PHIP: variants seen among roughly 807,000 people sequenced by gnomAD.
PHIP encodes PH-interacting protein.
Under a neutral mutation model 236.8 loss-of-function variants are expected in PHIP, and 54 were observed. The ratio of observed to expected loss-of-function variants is 0.23; its 90% CI spans 0.18 to 0.29. The LOEUF (loss-of-function observed/expected upper bound fraction) is 0.29. PHIP is among the 10% of genes least tolerant of loss of function. The pLI is 1.00. For missense variants in PHIP, 1,370 were observed against 2,190.8 expected (o/e 0.63, Z 7.48); for synonymous variants, 756 against 718.9 (o/e 1.05, Z -0.83).
chr6:79,024,380 G>A (rs555340622), intron 9 of PHIP, among the ~76,000 whole-genome samples: 3 of 152,064 alleles, frequency 2.0e-5, no homozygotes, highest in Non-Finnish European at 4.4e-5. Context: ...TTTCCACCCC[G>A]AGTGGCAGAA....
chr6:79,037,266 C>G (rs1013128051), intron 7 of PHIP, among the ~76,000 whole-genome samples: 1 of 152,136 alleles, frequency 6.6e-6, no homozygotes, highest in African/African-American at 2.4e-5. Context: ...ACAGGCCTTA[C>G]AATCTGCAGG....
chr6:79,059,163 A>G (rs952616304), intron 6 of PHIP, among the ~76,000 whole-genome samples: 2 of 152,112 alleles, frequency 1.3e-5, no homozygotes, highest in African/African-American at 4.8e-5. Context: ...TACATCAGAG[A>G]GTCAAAAACA....
intron 7 of PHIP, among the ~76,000 whole-genome samples, chr6:79,036,016 A>C (rs921870629): frequency 6.6e-6 from 1 of 152,192 alleles, no homozygotes; most frequent in Non-Finnish European, 1.5e-5. Context: ...GATGCCAAGA[A>C]ACATTACGGT....
chr6:79,007,654 C>CTTTTTTTTTTTTTTTTTTTTT (rs35415106), intron 15 of PHIP, among the ~76,000 whole-genome samples: 1 of 116,688 alleles, frequency 8.6e-6, no homozygotes, highest in Non-Finnish European at 1.8e-5. Context: ...ATGTCTTGTT[C>CTTTTTTTTTTTTTTTTTTTTT]TTTTTTTTTT....
At chr6:79,013,003 T>C (rs1007452695) in intron 15 of PHIP, among the ~76,000 whole-genome samples, 6 of 151,772 alleles carry the variant, frequency 4.0e-5, no homozygotes, top group Non-Finnish European at 7.4e-5. Flanking sequence ...TGCAGTAACA[T>C]TGACAAAAGC....
chr6:79,056,724 C>T (rs1461010348), intron 6 of PHIP, among the ~76,000 whole-genome samples: 1 of 152,084 alleles, frequency 6.6e-6, no homozygotes, highest in African/African-American at 2.4e-5. Context: ...GGTTAAAAAA[C>T]CCTGGTTAGA....
At chr6:78,956,911 A>C (rs2127693197) in intron 32 of PHIP, 1 of 152,202 alleles carries the variant, frequency 6.6e-6, no homozygotes, top group East Asian at 1.9e-4. Flanking sequence ...AACTGTATTA[A>C]AAGGATCCAT....
At chr6:78,980,042 G>A (rs1311166640) in intron 23 of PHIP, among the ~76,000 whole-genome samples, 2 of 151,890 alleles carry the variant, frequency 1.3e-5, no homozygotes, top group East Asian at 1.9e-4. Context: ...AGATGGGCTC[G>A]TTACAGAATT....
chr6:79,024,280 ATTATT>A (rs1316132279), intron 9 of PHIP, among the ~76,000 whole-genome samples: 2 of 152,232 alleles, frequency 1.3e-5, no homozygotes, highest in African/African-American at 2.4e-5. Context: ...GCATACATAT[ATTATT>A]TTATTAAATA....
rs1322349414 is a variant in PHIP at position 78,938,798 on chromosome 6, CAGG to C, written c.*1892_*1894del. On this transcript the variant is annotated 3_prime_UTR_variant, in exon 40 of 40. Coordinates refer to ENST00000275034, the MANE Select transcript of PHIP (RefSeq NM_017934.7). ...CTGGAAAATGGTTTACTTAATTTCA[CAGG>C]AGAATTTCTGTACAAATTTAGTTAC... 4.0e-5 allele frequency: 6 copies of C among 151,630 alleles called. No homozygotes were observed. Among genetic ancestry groups the C allele is most frequent in the African/African-American group, 1.4e-4 (6 of 41,392 alleles). 9.4% of individuals were successfully genotyped at this position (151,630 alleles called of 1,614,324 possible). A position where few individuals can be genotyped will look rare whatever the true frequency, so the allele number is the denominator to read the frequency against.
chr6:79,025,341 A>G (rs1488126717), intron 9 of PHIP, among the ~76,000 whole-genome samples, 178 bp downstream of exon 9: 1 of 152,156 alleles, frequency 6.6e-6, no homozygotes, highest in Non-Finnish European at 1.5e-5. Flanking sequence ...TTTCTTTGAA[A>G]CATAAAAAAA....
At chr6:78,980,868 C>G (rs1768480241) in intron 23 of PHIP, among the ~76,000 whole-genome samples, 1 of 151,978 alleles carries the variant, frequency 6.6e-6, no homozygotes, top group Non-Finnish European at 1.5e-5. Context: ...TCAATATGGA[C>G]TATTAATTGC....
chr6:79,076,793 G>T (rs1774182930), intron 4 of PHIP, among the ~76,000 whole-genome samples: 1 of 152,066 alleles, frequency 6.6e-6, no homozygotes, highest in South Asian at 2.1e-4. Flanking sequence ...GGAATTACAG[G>T]CTTTACACTT....
chr6:78,969,711 C>A, intron 27 of PHIP, 124 bp downstream of exon 27: 2 of 522,580 alleles, frequency 3.8e-6, no homozygotes, highest in Non-Finnish European at 6.7e-6. Context: ...TTGCTATTAA[C>A]ATTCCTACAA....
At chr6:79,019,626 C>T (rs1290048575) in intron 9 of PHIP, among the ~76,000 whole-genome samples, 1 of 152,094 alleles carries the variant, frequency 6.6e-6, no homozygotes. Context: ...CTTCTTTGAC[C>T]TACTAATGTG....
intron 39 of PHIP, among the ~76,000 whole-genome samples, chr6:78,942,803 G>C (rs1395123204): frequency 6.6e-6 from 1 of 152,090 alleles, no homozygotes; most frequent in Non-Finnish European, 1.5e-5. Context: ...CCCTTGTAAT[G>C]GTCCCAAATT....
intron 32 of PHIP, chr6:78,956,557 T>C (rs1196991476): frequency 1.3e-5 from 2 of 152,160 alleles, no homozygotes; most frequent in Non-Finnish European, 2.9e-5. Flanking sequence ...GCTTATATTT[T>C]AGATTCATAT....
rs1430048629 is a variant in PHIP at position 78,940,361 on chromosome 6, C to G, written c.*332G>C. 2.0e-5 allele frequency: 3 copies of G among 151,490 alleles called. No homozygotes were observed. The highest frequency in any genetic ancestry group is 7.3e-5 in the African/African-American group (3 of 41,268). 9.4% of individuals were successfully genotyped at this position (151,490 alleles called of 1,614,324 possible). ...CTCCTAAAGAGTGTAGCAGAATTGTCTTTTCTATAAATAAATCAGGAATTC... is the reference window on the plus strand; with the variant it reads ...CTCCTAAAGAGTGTAGCAGAATTGTGTTTTCTATAAATAAATCAGGAATTC... On this transcript the variant is annotated 3_prime_UTR_variant, in exon 40 of 40. Coordinates refer to ENST00000275034, the MANE Select transcript of PHIP (RefSeq NM_017934.7).
chr6:79,049,717 ATAAT>A (rs1364030488), intron 6 of PHIP, among the ~76,000 whole-genome samples: 1 of 152,180 alleles, frequency 6.6e-6, no homozygotes, highest in Non-Finnish European at 1.5e-5. Context: ...ATTTTAGATG[ATAAT>A]TAGATTTTCC....
Sources: gnomAD v4.1 joint callset for allele counts (sites outside exome capture counted in the v4.1 genomes callset) on GRCh38, gnomAD v4.1.1 for gene constraint, MANE v1.5 for transcripts, NCBI Gene and HGNC (gene_info 2026-07-23, HGNC 2026-07-21) for gene names.